Variants in PIEZO2 observed in about 807,000 individuals in gnomAD.
PIEZO2 encodes the protein piezo-type mechanosensitive ion channel component 2.
PIEZO2 carries 172 observed loss-of-function variants against 337.3 expected under a neutral mutation model. That is an observed-to-expected ratio of 0.51 (90% confidence interval 0.45 to 0.58). The LOEUF (loss-of-function observed/expected upper bound fraction) is 0.58. PIEZO2 is among the 20% of genes least tolerant of loss of function. PIEZO2 has a pLI of 0.00. For synonymous variants in PIEZO2, 1,251 were observed against 1,228.5 expected (o/e 1.02, Z -0.38); for missense variants, 3,028 against 3,391.3 (o/e 0.89, Z 2.66).
chr18:10,866,734 A>G (rs1172815271), intron 5 of PIEZO2, among the ~76,000 whole-genome samples: 1 of 152,230 alleles, frequency 6.6e-6, no homozygotes, highest in Non-Finnish European at 1.5e-5. Context: ...GAATAAAGTC[A>G]GTCATGGACT....
rs749859138 is a variant in PIEZO2 at position 10,681,677 on chromosome 18, G to C, written c.7763C>G (p.Ala2588Gly). The change falls in exon 51 of 56, where the codon GCT becomes GGT. Residue 2588 changes from alanine (A) to glycine (G), a missense_variant. Transcript: ENST00000674853. ...DQQSFNKFIQ[A>G]FSRDTGAMQF... Reference sequence around the variant, plus strand: ...TTTACTTACGGTGTCCCTAGAAAAAGCTTGTATAAATTTGTTAAAGCTCTG... The same window carrying C: ...TTTACTTACGGTGTCCCTAGAAAAACCTTGTATAAATTTGTTAAAGCTCTG... The C allele has an allele frequency of 6.2e-7, 1 of 1,600,058 alleles. No homozygotes were observed. The highest frequency in any genetic ancestry group is 2.2e-5 in the East Asian group (1 of 44,788).
At chr18:10,712,669 A>T (rs1376771696) in intron 39 of PIEZO2, among the ~76,000 whole-genome samples, 1 of 152,230 alleles carries the variant, frequency 6.6e-6, no homozygotes, top group Non-Finnish European at 1.5e-5. Context: ...GAAGGATATG[A>T]TATTAAATGT....
chr18:10,744,050 G>T, intron 31 of PIEZO2, 92 bp downstream of exon 31: 2 of 844,120 alleles, frequency 2.4e-6, no homozygotes, highest in Non-Finnish European at 3.6e-6. Context: ...ATATTTTTCA[G>T]GGGTTTGAGG....
At chr18:10,780,136 C>A (rs1373257166) in intron 18 of PIEZO2, among the ~76,000 whole-genome samples, 189 bp downstream of exon 18, 1 of 152,200 alleles carries the variant, frequency 6.6e-6, no homozygotes, top group Non-Finnish European at 1.5e-5. Flanking sequence ...ACAGCCTCCA[C>A]ATCCACTTGA....
In PIEZO2 at chr18:11,092,931, G is replaced by C. The variant is rs575361083; in HGVS notation, c.65-26709C>G. Among the ~76,000 whole-genome samples the C allele has an allele frequency of 2.0e-5, 3 of 152,294 alleles. No individual in the cohort carries two copies. The highest frequency in any genetic ancestry group is 1.3e-4 in the Admixed American group (2 of 15,300). On this transcript the variant is annotated intron_variant, in intron 1 of 55. Transcript: ENST00000674853. The surrounding 1 kb of genome is among the most constrained non-coding windows in gnomAD (Gnocchi z 4.5). ...AAAATTGGCTTAATATGCACGTAAA[G>C]TGTTCTTTTAAATCAAACCATTCTC...
rs531320706 is a variant in PIEZO2 at position 11,108,471 on chromosome 18, G to A, written c.64+40054C>T. Among the ~76,000 whole-genome samples the A allele has an allele frequency of 5.7e-4, 83 of 146,628 alleles. 1 individual carries two copies. Among genetic ancestry groups the A allele is most frequent in the South Asian group, 2.0e-3 (9 of 4,584 alleles). On this transcript the variant is annotated intron_variant, in intron 1 of 55. Transcript: ENST00000674853. ...TCTACTAAAAATACAAAAAGTAGCC[G>A]GGCGCGGTGGCGGGCGCCTGTAGTC...
intron 2 of PIEZO2, 151 bp downstream of exon 2, chr18:11,065,976 G>A: frequency 3.3e-6 from 2 of 612,898 alleles, no homozygotes; most frequent in Non-Finnish European, 5.6e-6. Flanking sequence ...ACTTAGTGTA[G>A]TTCTTAAAAT....
At chr18:11,147,327 G>T (rs2040835867) in intron 1 of PIEZO2, among the ~76,000 whole-genome samples, 1 of 152,152 alleles carries the variant, frequency 6.6e-6, no homozygotes, top group Admixed American at 6.5e-5. Context: ...CACTCGGAGC[G>T]CCTTTCTGGG....
At chr18:10,964,752 G>A (rs1455175475) in intron 3 of PIEZO2, among the ~76,000 whole-genome samples, 1 of 152,100 alleles carries the variant, frequency 6.6e-6, no homozygotes, top group African/African-American at 2.4e-5. Flanking sequence ...AAGTAATCAT[G>A]CCCCATTCTA....
rs1359838929 is a variant in PIEZO2, at chr18:10,886,378, GTGTATATATA to G, written c.330-14973_330-14964del. ...CACACACACATATATATGTGTGTGT[GTGTATATATA>G]TATATATATATATATATATATATAT... On this transcript the variant is annotated intron_variant, in intron 4 of 55. Coordinates refer to ENST00000674853, the MANE Select transcript of PIEZO2 (RefSeq NM_001378183.1). Among the ~76,000 whole-genome samples, 25 of 3,176 alleles carry G rather than the reference GTGTATATATA, an allele frequency of 7.9e-3. 1 individual carries two copies. The highest frequency in any genetic ancestry group is 0.015 in the Admixed American group (3 of 198). 2.1% of individuals were successfully genotyped at this position (3,176 alleles called of 152,430 possible).
rs1003963751 is a variant in PIEZO2, at chr18:10,895,781, G to A, written c.329+15405C>T. On this transcript the variant is annotated intron_variant, in intron 4 of 55. Coordinates refer to ENST00000674853, the MANE Select transcript of PIEZO2 (RefSeq NM_001378183.1). This position sits in a 1 kb window ranked among gnomAD's most constrained non-coding sequence, Gnocchi z 4.8. ...GTCTGTCTCTAAAACTCAGAGCCAG[G>A]CACGGGCAGGCTCACGCCTGTAATC... 6.6e-6 allele frequency among the ~76,000 whole-genome samples: 1 copy of A among 152,204 alleles called. No homozygotes were observed. The highest frequency in any genetic ancestry group is 1.5e-5 in the Non-Finnish European group (1 of 68,026).
intron 1 of PIEZO2, among the ~76,000 whole-genome samples, chr18:11,075,631 A>G (rs146158979): frequency 1.5e-3 from 229 of 152,260 alleles, no homozygotes; most frequent in African/African-American, 5.5e-3. Context: ...TATTTCTTCA[A>G]GAAGGACAAT....
chr18:10,809,324 A>G lies in PIEZO2; in HGVS notation c.918-2050T>C, dbSNP rs145998782. Among the ~76,000 whole-genome samples, 602 of 125,416 alleles carry G rather than the reference A, an allele frequency of 4.8e-3. 1 individual carries two copies. The highest frequency in any genetic ancestry group is 7.2e-3 in the Non-Finnish European group (459 of 64,100). The allele number at this position is 125,416 out of a possible 152,430, so 82.3% of individuals were successfully genotyped here. Reference sequence around the variant, plus strand: ...TCTCACTCCGTCGCCAGGCTGGAGTACAGTGGCGCAATCTCGGCTCACTGC... The same window carrying G: ...TCTCACTCCGTCGCCAGGCTGGAGTGCAGTGGCGCAATCTCGGCTCACTGC... On this transcript the variant is annotated intron_variant, in intron 7 of 55. Transcript: ENST00000674853.
intron 34 of PIEZO2, among the ~76,000 whole-genome samples, chr18:10,736,239 T>C (rs1374686515): frequency 2.0e-5 from 3 of 152,262 alleles, no homozygotes; most frequent in African/African-American, 2.4e-5. Context: ...TCGCCTTACA[T>C]TGAATGTAAG....
rs2035187765 is a variant in PIEZO2, at chr18:10,993,551, G to T, written c.161-13891C>A. Among the ~76,000 whole-genome samples the T allele has an allele frequency of 1.3e-5, 2 of 152,054 alleles. No homozygotes were observed. The highest frequency in any genetic ancestry group is 2.9e-5 in the Non-Finnish European group (2 of 68,010). The stretch of plus-strand genomic sequence containing the variant: ...TTGTTGTTGTTGTTGTTTTGAGGCG[G>T]AGTCTCGCTCTGTGGCCCAGGCTGG... On this transcript the variant is annotated intron_variant, in intron 2 of 55. Coordinates refer to ENST00000674853, the MANE Select transcript of PIEZO2 (RefSeq NM_001378183.1). The surrounding 1 kb of genome is among the most constrained non-coding windows in gnomAD (Gnocchi z 5.0).
intron 21 of PIEZO2, 181 bp downstream of exon 21, chr18:10,769,967 C>G (rs890652195): frequency 3.4e-6 from 2 of 588,946 alleles, no homozygotes; most frequent in African/African-American, 3.8e-5. Context: ...CCACGAGCCT[C>G]TTTCCTTTTT....
rs2042600910 is a variant in PIEZO2 at position 10,886,408 on chromosome 18, A to ATATG, written c.330-14994_330-14993insCATA. 2.9e-4 allele frequency among the ~76,000 whole-genome samples: 4 copies of ATATG among 13,760 alleles called. 1 individual carries two copies. The highest frequency in any genetic ancestry group is 4.0e-4 in the Non-Finnish European group (3 of 7,424). 9.0% of individuals were successfully genotyped at this position (13,760 alleles called of 152,430 possible). Reference sequence around the variant, plus strand: ...TATATATATATATATATATATATATATATATATATATATATGTAATCTCCA... The same window carrying ATATG: ...TATATATATATATATATATATATATATATGTATATATATATATATGTAATCTCCA... On this transcript the variant is annotated intron_variant, in intron 4 of 55. Coordinates refer to ENST00000674853, the MANE Select transcript of PIEZO2 (RefSeq NM_001378183.1).
chr18:10,886,380 G>GTATATA (rs1173330460), intron 4 of PIEZO2, among the ~76,000 whole-genome samples: 138 of 3,026 alleles, frequency 0.046, 12 homozygotes, highest in South Asian at 0.14. Flanking sequence ...GTGTGTGTGT[G>GTATATA]TATATATATA....
chr18:10,820,876 A>G (rs544976837), intron 7 of PIEZO2, among the ~76,000 whole-genome samples: 38 of 152,310 alleles, frequency 2.5e-4, no homozygotes, highest in African/African-American at 9.1e-4. Context: ...GTCCCAGTAG[A>G]GTAGAAGAAT....
Sources: allele counts gnomAD v4.1 joint callset (sites outside exome capture counted in the v4.1 genomes callset), GRCh38; gene constraint gnomAD v4.1.1; non-coding constraint Gnocchi (gnomAD v3.1); transcripts MANE v1.5; gene names NCBI Gene and HGNC (gene_info 2026-07-23, HGNC 2026-07-21).